ELF2: variants seen among roughly 807,000 people sequenced by gnomAD.
ELF2 encodes ETS-related transcription factor Elf-2.
ELF2 carries 11 observed loss-of-function variants against 54.8 expected under a neutral mutation model. That is an observed-to-expected ratio of 0.20 (90% CI 0.13 to 0.33). ELF2 has a LOEUF of 0.33. Among genes scored for constraint, ELF2 ranks in the 10% least tolerant of loss-of-function variants. The pLI, the probability that ELF2 is intolerant of heterozygous loss-of-function variation, is 1.00. For missense variants in ELF2, 513 were observed against 703.0 expected (o/e 0.73, Z 3.06); for synonymous variants, 203 against 245.1 (o/e 0.83, Z 1.61).
At chr4:139,151,096 A>AGAGAGAGAAAGAAAGAAAG (rs1560871870) in intron 1 of ELF2, among the ~76,000 whole-genome samples, 9 of 128,198 alleles carry the variant, frequency 7.0e-5, no homozygotes, top group African/African-American at 2.9e-4. Context: ...AAGAAAGAAA[A>AGAGAGAGAAAGAAAGAAAG]AGAGAGCTAT....
intron 1 of ELF2, among the ~76,000 whole-genome samples, chr4:139,145,275 G>C (rs998722607): frequency 6.6e-6 from 1 of 152,214 alleles, no homozygotes; most frequent in African/African-American, 2.4e-5. Flanking sequence ...TACAACCAAG[G>C]AATCTCACAA....
At chr4:139,141,043 T>C (rs1167491408) in intron 1 of ELF2, among the ~76,000 whole-genome samples, 1 of 152,134 alleles carries the variant, frequency 6.6e-6, no homozygotes, top group Non-Finnish European at 1.5e-5. Flanking sequence ...AATCACTCCC[T>C]TCTTGAAACT....
intron 4 of ELF2, among the ~76,000 whole-genome samples, chr4:139,122,338 A>C (rs904269866): frequency 2.0e-5 from 3 of 152,156 alleles, no homozygotes; most frequent in African/African-American, 7.2e-5. Context: ...TCTGAGTTTC[A>C]ATTTTACATT....
chr4:139,120,551 G>C (rs542216065), intron 4 of ELF2, among the ~76,000 whole-genome samples: 1 of 152,100 alleles, frequency 6.6e-6, no homozygotes, highest in African/African-American at 2.4e-5. Context: ...GGATTCTCTG[G>C]CCTCAGACTC....
chr4:139,114,850 C>T, intron 4 of ELF2: 4 of 1,596,918 alleles, frequency 2.5e-6, no homozygotes, highest in South Asian at 1.1e-5. Flanking sequence ...GCCGCAGGGT[C>T]CCCCGGTATT....
chr4:139,070,555 TG>T (rs1729374484), intron 6 of ELF2, among the ~76,000 whole-genome samples: 1 of 152,190 alleles, frequency 6.6e-6, no homozygotes, highest in Non-Finnish European at 1.5e-5. Context: ...ACCCCCAAAG[TG>T]CTGGGATTAC....
chr4:139,164,269 G>A, intron 1 of ELF2, among the ~76,000 whole-genome samples: 1 of 151,274 alleles, frequency 6.6e-6, no homozygotes, highest in East Asian at 1.9e-4. Flanking sequence ...AAGGGAGGGA[G>A]GAAGGAAGGA....
At chr4:139,111,051 A>G (rs1365058879) in intron 4 of ELF2, among the ~76,000 whole-genome samples, 1 of 152,176 alleles carries the variant, frequency 6.6e-6, no homozygotes, top group East Asian at 1.9e-4. Flanking sequence ...AATATTGTGT[A>G]TTACATTTTT....
chr4:139,125,288 C>T lies in ELF2; in HGVS notation c.114G>A (p.Glu38=). ...KVSEYPAVIV[E]PVPSARLEQG... ...GCTCTAATCTGGCACTTGGAACTGG[C>T]TCCACAATCACTGCTGGATATTCAG... Residue 38 remains glutamate, a synonymous_variant, in exon 4 of 10, where the codon GAG becomes GAA. Transcript: ENST00000686138. 1 of 1,613,580 alleles carries T rather than the reference C, an allele frequency of 6.2e-7. No individual in the cohort carries two copies. Among genetic ancestry groups the T allele is most frequent in the Non-Finnish European group, 8.5e-7 (1 of 1,179,882 alleles).
chr4:139,079,164 A>C (rs1040833497), intron 4 of ELF2, among the ~76,000 whole-genome samples: 7 of 152,106 alleles, frequency 4.6e-5, no homozygotes, highest in African/African-American at 1.7e-4. Flanking sequence ...TCCCAGACTC[A>C]AGAGATCCTC....
rs1737696294 is a variant in ELF2, at chr4:139,132,973, G to A, written c.72+4657C>T. On this transcript the variant is annotated intron_variant, in intron 3 of 9. Transcript: ENST00000686138. ...GTGGCGCAATCTCTGCTCACTGTAA[G>A]CTCCGCCTCCCCCAATCTCGGCTCA... is the stretch of plus-strand genomic sequence containing the variant. Among the ~76,000 whole-genome samples, 4 of 150,820 alleles carry A rather than the reference G, an allele frequency of 2.7e-5. No individual in the cohort carries two copies. The South Asian group carries it at 8.4e-4, about 32-fold the overall frequency.
chr4:139,119,800 A>G (rs2148825651), intron 4 of ELF2, among the ~76,000 whole-genome samples: 1 of 151,932 alleles, frequency 6.6e-6, no homozygotes, highest in East Asian at 1.9e-4. Context: ...TGTTTTTGAG[A>G]TGGAGTTTCT....
chr4:139,095,969 G>T (rs967807255), intron 4 of ELF2, among the ~76,000 whole-genome samples: 23 of 152,140 alleles, frequency 1.5e-4, no homozygotes, highest in African/African-American at 5.6e-4. Flanking sequence ...AAATTAGCCA[G>T]GTGTGGTGGC....
chr4:139,066,784 T>C (rs1001246143), intron 7 of ELF2: 2 of 151,638 alleles, frequency 1.3e-5, no homozygotes, highest in East Asian at 1.9e-4. Flanking sequence ...TCCCAGCTAC[T>C]TGGGAGGCTA....
chr4:139,067,614 T>TA, intron 7 of ELF2, 70 bp downstream of exon 7: 1 of 1,506,668 alleles, frequency 6.6e-7, no homozygotes, highest in Non-Finnish European at 9.2e-7. Flanking sequence ...ATAGTTTTCT[T>TA]ACAAATACAA....
intron 4 of ELF2, among the ~76,000 whole-genome samples, chr4:139,075,825 A>G (rs1457848423): frequency 8.5e-5 from 13 of 152,244 alleles, no homozygotes; most frequent in Admixed American, 8.5e-4. Flanking sequence ...TAATATATTA[A>G]TTTCACATCC....
rs768263248 is a variant in ELF2 at position 139,067,731 on chromosome 4, T to C, written c.566A>G (p.Asn189Ser). ...CTTTATACCTAACTCAGGAGACCCATTGGAAATTGGTGATTGCTGGGTCTT... is the reference window on the plus strand; with the variant it reads ...CTTTATACCTAACTCAGGAGACCCACTGGAAATTGGTGATTGCTGGGTCTT... Reference protein sequence around the residue: ...KPKTQQSPISNGSPELGIKKK... With the variant: ...KPKTQQSPISSGSPELGIKKK... The change falls in exon 7 of 10, where the codon AAT becomes AGT. Residue 189 changes from asparagine (N) to serine (S), a missense_variant. Coordinates refer to ENST00000686138, the MANE Select transcript of ELF2 (RefSeq NM_001331036.3). 36 of 1,606,220 alleles carry C rather than the reference T, an allele frequency of 2.2e-5. No individual in the cohort carries two copies. The highest frequency in any genetic ancestry group is 3.3e-4 in the Middle Eastern group (2 of 6,036).
At chr4:139,107,792 T>C (rs544245526) in intron 4 of ELF2, among the ~76,000 whole-genome samples, 3 of 152,270 alleles carry the variant, frequency 2.0e-5, no homozygotes, top group Non-Finnish European at 4.4e-5. Context: ...AAATATAACA[T>C]AACAACTCTC....
intron 1 of ELF2, among the ~76,000 whole-genome samples, chr4:139,163,100 A>G (rs1741336127): frequency 6.6e-6 from 1 of 152,142 alleles, no homozygotes; most frequent in Non-Finnish European, 1.5e-5. Context: ...TAACTCAAAA[A>G]ATAAAAAAAT....
Sources: gnomAD v4.1 joint callset for allele counts (sites outside exome capture counted in the v4.1 genomes callset) on GRCh38, gnomAD v4.1.1 for gene constraint, MANE v1.5 for transcripts, NCBI Gene and HGNC (gene_info 2026-07-23, HGNC 2026-07-21) for gene names.